GRM1: variants seen among roughly 807,000 people sequenced by gnomAD.
The protein encoded by GRM1 is metabotropic glutamate receptor 1.
In GRM1, 33 loss-of-function variants were observed where a neutral mutation model predicts 90.9. That is an observed-to-expected ratio of 0.36 (90% CI 0.28 to 0.49). The LOEUF (loss-of-function observed/expected upper bound fraction) is 0.49, where lower values mean the gene tolerates loss of function less well. Among genes scored for constraint, GRM1 ranks in the 20% least tolerant of loss-of-function variants. The pLI is 0.99. For synonymous variants in GRM1, 700 were observed against 613.2 expected (o/e 1.14, Z -2.09); for missense variants, 1,190 against 1,534.3 (o/e 0.78, Z 3.75).
intron 2 of GRM1, among the ~76,000 whole-genome samples, chr6:146,280,512 A>G (rs1211166092): frequency 1.3e-5 from 2 of 152,218 alleles, no homozygotes; most frequent in Admixed American, 6.5e-5. Context: ...TAATATACAC[A>G]GAACGCTATG....
chr6:146,262,127 G>A (rs1299243740), intron 2 of GRM1, among the ~76,000 whole-genome samples: 2 of 150,282 alleles, frequency 1.3e-5, no homozygotes, highest in African/African-American at 4.9e-5. Context: ...GTATAAACCC[G>A]AGCTAGCTTC....
At chr6:146,052,284 T>C (rs1411973379) in intron 1 of GRM1, among the ~76,000 whole-genome samples, 1 of 152,044 alleles carries the variant, frequency 6.6e-6, no homozygotes, top group African/African-American at 2.4e-5. Context: ...AAATTCAGCC[T>C]CTCTGTTGTT....
intron 2 of GRM1, among the ~76,000 whole-genome samples, chr6:146,288,459 A>G (rs1235184723): frequency 6.6e-6 from 1 of 152,206 alleles, no homozygotes; most frequent in Non-Finnish European, 1.5e-5. Flanking sequence ...TTGGTTACTT[A>G]TGCAGTCATG....
At chr6:146,058,058 C>T (rs1775539900) in intron 1 of GRM1, among the ~76,000 whole-genome samples, 1 of 152,004 alleles carries the variant, frequency 6.6e-6, no homozygotes, top group Non-Finnish European at 1.5e-5. Context: ...TTTTCCGTCT[C>T]TCTGGACTTC....
At chr6:146,276,975 G>T (rs1429645171) in intron 2 of GRM1, among the ~76,000 whole-genome samples, 1 of 152,014 alleles carries the variant, frequency 6.6e-6, no homozygotes, top group Non-Finnish European at 1.5e-5. Context: ...GGGCATGTTG[G>T]GGCAAACCTG....
Position 146,399,160 on chromosome 6 carries a change from G to T in GRM1, c.2121G>T (p.Val707=). ...KPRFMSAWAQ[V]IIASILISVQ... ...GGTTCATGAGTGCCTGGGCTCAGGT[G>T]ATCATTGCCTCAATTCTGATTAGTG... Residue 707 remains valine (V), a synonymous_variant, in exon 7 of 8, where the codon GTG becomes GTT. Transcript: ENST00000282753. This position sits in a 1 kb window ranked among gnomAD's most constrained non-coding sequence, Gnocchi z 5.4. The T allele has an allele frequency of 6.2e-7, 1 of 1,614,082 alleles. No individual in the cohort carries two copies.
intron 2 of GRM1, among the ~76,000 whole-genome samples, chr6:146,227,637 G>A (rs892722533): frequency 6.6e-6 from 1 of 152,140 alleles, no homozygotes; most frequent in Admixed American, 6.6e-5. Context: ...ATCTATCAAT[G>A]CTTCATATGG....
chr6:146,150,076 A>G (rs1412468690), intron 1 of GRM1, among the ~76,000 whole-genome samples: 1 of 152,150 alleles, frequency 6.6e-6, no homozygotes, highest in African/African-American at 2.4e-5. Context: ...CTAGGTATTA[A>G]GTGGCAGAGC....
chr6:146,397,843 C>T (rs1777022343), intron 6 of GRM1, among the ~76,000 whole-genome samples: 1 of 152,172 alleles, frequency 6.6e-6, no homozygotes, highest in African/African-American at 2.4e-5. Flanking sequence ...AGCACTGGTT[C>T]TGGTGGTTCC....
intron 2 of GRM1, among the ~76,000 whole-genome samples, chr6:146,244,634 A>T (rs1402719557): frequency 6.6e-6 from 1 of 152,232 alleles, no homozygotes; most frequent in Non-Finnish European, 1.5e-5. Flanking sequence ...GTAGCCTACG[A>T]ATCAGACCAG....
chr6:146,179,243 T>C lies in GRM1; in HGVS notation c.950+19646T>C, dbSNP rs1778450359. 2.0e-5 allele frequency among the ~76,000 whole-genome samples: 3 copies of C among 152,154 alleles called. No individual in the cohort carries two copies. In the East Asian group the frequency reaches 5.8e-4, roughly 29 times the overall value. The stretch of plus-strand genomic sequence containing the variant: ...CCTAAACAGCAAGATTCCTTTCAGA[T>C]CCCACTACCTAAAATGCCATGCCCC... On this transcript the variant is annotated intron_variant, in intron 2 of 7. Coordinates refer to ENST00000282753, the MANE Select transcript of GRM1 (RefSeq NM_001278064.2).
intron 2 of GRM1, among the ~76,000 whole-genome samples, chr6:146,297,169 T>A (rs991396349): frequency 6.6e-6 from 1 of 152,172 alleles, no homozygotes; most frequent in Non-Finnish European, 1.5e-5. Flanking sequence ...AAACAATTTT[T>A]TTTTTTTTTG....
chr6:146,205,978 T>C (rs1261435105), intron 2 of GRM1, among the ~76,000 whole-genome samples: 3 of 152,126 alleles, frequency 2.0e-5, no homozygotes, highest in Admixed American at 2.0e-4. Flanking sequence ...TCTCTTGATC[T>C]CTATAGGTTC....
At chr6:146,192,641 A>G (rs1778970195) in intron 2 of GRM1, among the ~76,000 whole-genome samples, 1 of 152,002 alleles carries the variant, frequency 6.6e-6, no homozygotes, top group Admixed American at 6.6e-5. Context: ...CACTATTCTT[A>G]CTCTTTCTAA....
intron 1 of GRM1, among the ~76,000 whole-genome samples, chr6:146,063,684 A>G (rs1036848077): frequency 2.0e-5 from 3 of 152,016 alleles, no homozygotes; most frequent in Non-Finnish European, 2.9e-5. Flanking sequence ...TTAAGGCTAT[A>G]GTTTAGGCTT....
chr6:146,049,351 A>G (rs1238637582), intron 1 of GRM1, among the ~76,000 whole-genome samples: 1 of 151,974 alleles, frequency 6.6e-6, no homozygotes, highest in African/African-American at 2.4e-5. Flanking sequence ...TAATGAAATA[A>G]GCTAAGGACC....
intron 2 of GRM1, among the ~76,000 whole-genome samples, chr6:146,259,059 C>T (rs1781587521): frequency 6.6e-6 from 1 of 152,278 alleles, no homozygotes; most frequent in East Asian, 1.9e-4. Flanking sequence ...GTCTAAGCTT[C>T]CATGAGCTGT....
chr6:146,385,208 A>G (rs1166950123), intron 5 of GRM1, among the ~76,000 whole-genome samples: 2 of 152,108 alleles, frequency 1.3e-5, no homozygotes, highest in Non-Finnish European at 2.9e-5. Context: ...GCTAAAAACC[A>G]GTGATAAAAA....
chr6:146,407,416 C>T (rs904154612), intron 7 of GRM1, among the ~76,000 whole-genome samples: 1 of 152,126 alleles, frequency 6.6e-6, no homozygotes, highest in African/African-American at 2.4e-5. Flanking sequence ...AAGTTCTCAC[C>T]TGAGACAGAC....
Sources: allele counts gnomAD v4.1 joint callset (sites outside exome capture counted in the v4.1 genomes callset), GRCh38; gene constraint gnomAD v4.1.1; non-coding constraint Gnocchi (gnomAD v3.1); transcripts MANE v1.5; gene names NCBI Gene and HGNC (gene_info 2026-07-23, HGNC 2026-07-21).